Variants in DCAF6 observed in about 807,000 individuals in gnomAD.
The protein encoded by DCAF6 is DDB1- and CUL4-associated factor 6.
DCAF6 carries 54 observed loss-of-function variants against 125.1 expected under a neutral mutation model. The ratio of observed to expected loss-of-function variants is 0.43; its 90% CI spans 0.35 to 0.54. The LOEUF (loss-of-function observed/expected upper bound fraction) is 0.54, where lower values mean the gene tolerates loss of function less well. Ranked by LOEUF, DCAF6 falls within the 20% of genes least tolerant of loss-of-function variation. The pLI is 0.01. For missense variants in DCAF6, 934 were observed against 1,161.7 expected (o/e 0.80, Z 2.85); for synonymous variants, 371 against 390.4 (o/e 0.95, Z 0.58).
chr1:167,925,544 T>G, the DCAF6 span, among the ~76,000 whole-genome samples: 8 of 135,986 alleles, frequency 5.9e-5, no homozygotes, highest in African/African-American at 1.9e-4. Context: ...GTTTTTTTTT[T>G]GGTTTTTTTT....
chr1:168,043,235 T>G, intron 14 of DCAF6, 95 bp downstream of exon 14: 3 of 928,920 alleles, frequency 3.2e-6, no homozygotes, highest in Non-Finnish European at 5.0e-6. Context: ...TGTTTCTTGT[T>G]TTTAATAAAT....
At chr1:167,956,388 T>C (rs188672389) in intron 2 of DCAF6, among the ~76,000 whole-genome samples, 361 of 152,322 alleles carry the variant, frequency 2.4e-3, no homozygotes, top group Non-Finnish European at 3.8e-3. Flanking sequence ...TTTAAGTATC[T>C]GTAGAATCTG....
At chr1:168,004,350 T>A (rs543309492) in intron 9 of DCAF6, among the ~76,000 whole-genome samples, 183 bp from the exon 10 acceptor site, 2 of 152,276 alleles carry the variant, frequency 1.3e-5, no homozygotes, top group South Asian at 4.1e-4. Context: ...ATGTTGTAGA[T>A]AAGTTTTTAT....
chr1:167,974,711 TA>T, intron 3 of DCAF6, 118 bp from the exon 4 acceptor site: 1 of 721,412 alleles, frequency 1.4e-6, no homozygotes, highest in Non-Finnish European at 2.1e-6. Context: ...AGTCTAGTGA[TA>T]ATCTTTCACT....
chr1:167,932,676 G>A (rs1325667348), upstream of DCAF6, among the ~76,000 whole-genome samples: 7 of 151,898 alleles, frequency 4.6e-5, no homozygotes, highest in African/African-American at 1.7e-4. Context: ...GAGCATGGTG[G>A]CACATGCCTG....
the DCAF6 span, among the ~76,000 whole-genome samples, chr1:167,886,531 T>C: frequency 3.3e-5 from 5 of 152,292 alleles, no homozygotes; most frequent in African/African-American, 1.2e-4. Context: ...TCCTTCCACC[T>C]TATACAAAAA....
chr1:167,958,463 T>C (rs540619756), intron 2 of DCAF6, among the ~76,000 whole-genome samples: 28 of 151,894 alleles, frequency 1.8e-4, no homozygotes, highest in Non-Finnish European at 3.4e-4. Context: ...AATAGAAGAG[T>C]TTATTTCTGA....
At chr1:167,979,003 G>A (rs935884673) in intron 4 of DCAF6, among the ~76,000 whole-genome samples, 1 of 152,052 alleles carries the variant, frequency 6.6e-6, no homozygotes, top group Non-Finnish European at 1.5e-5. Flanking sequence ...GCTCCTTTAT[G>A]ATTAGTATCT....
At chr1:167,996,604 C>T (rs1681740482) in intron 7 of DCAF6, among the ~76,000 whole-genome samples, 1 of 152,206 alleles carries the variant, frequency 6.6e-6, no homozygotes, top group Non-Finnish European at 1.5e-5. Context: ...CCGCTCTTCT[C>T]ATCAACATTC....
At chr1:168,008,929 T>C (rs963335303) in intron 10 of DCAF6, among the ~76,000 whole-genome samples, 1 of 136,052 alleles carries the variant, frequency 7.4e-6, no homozygotes, top group African/African-American at 2.7e-5. Flanking sequence ...CTTGCTTGCT[T>C]TCTCTCTCTC....
chr1:167,902,752 G>A, the DCAF6 span, among the ~76,000 whole-genome samples: 3 of 152,322 alleles, frequency 2.0e-5, no homozygotes, highest in South Asian at 4.1e-4. Flanking sequence ...AGAGTAAACC[G>A]TTGTCTTCAT....
chr1:167,936,811 G>T lies in DCAF6; in HGVS notation c.-101G>T. 9.2e-7 allele frequency: 1 copy of T among 1,081,114 alleles called. No homozygotes were observed. The highest frequency in any genetic ancestry group is 1.4e-6 in the Non-Finnish European group (1 of 739,286). 67.0% of individuals were successfully genotyped at this position (1,081,114 alleles called of 1,614,324 possible). On this transcript the variant is annotated 5_prime_UTR_variant, in exon 1 of 22. Transcript: ENST00000367840. ...GCTGCGCCCTGGAGGCCCGGCGCGCGGATGGTGCCGGTGCGGCTCGGGTGT... is the reference window on the plus strand; with the variant it reads ...GCTGCGCCCTGGAGGCCCGGCGCGCTGATGGTGCCGGTGCGGCTCGGGTGT...
Position 167,954,353 on chromosome 1 carries a change from A to G in DCAF6, c.159+2492A>G, listed in dbSNP as rs543625889. Among the ~76,000 whole-genome samples the G allele has an allele frequency of 2.6e-5, 4 of 152,140 alleles. No homozygotes were observed. In the South Asian group the frequency reaches 8.3e-4, roughly 32 times the overall value. ...TCTAGTATTCACTTCAGCTGGTAAGACTGTTGCCAGCCTAATTACTTTTTG... is the reference window on the plus strand; with the variant it reads ...TCTAGTATTCACTTCAGCTGGTAAGGCTGTTGCCAGCCTAATTACTTTTTG... On this transcript the variant is annotated intron_variant, in intron 2 of 21. Coordinates refer to ENST00000367840, the MANE Select transcript of DCAF6 (RefSeq NM_001198956.2).
chr1:167,956,072 A>G (rs576076824), intron 2 of DCAF6, among the ~76,000 whole-genome samples: 1 of 152,170 alleles, frequency 6.6e-6, no homozygotes, highest in African/African-American at 2.4e-5. Context: ...AGCTAAGAAC[A>G]TTGTCTCTTT....
At chr1:168,050,454 T>C (rs923117218) in intron 16 of DCAF6, among the ~76,000 whole-genome samples, 7 of 152,192 alleles carry the variant, frequency 4.6e-5, no homozygotes, top group Non-Finnish European at 1.0e-4. Context: ...AAAAGCCCTG[T>C]TATTCTTTGC....
At chr1:167,991,998 T>C (rs1450801925) in intron 6 of DCAF6, among the ~76,000 whole-genome samples, 1 of 152,064 alleles carries the variant, frequency 6.6e-6, no homozygotes, top group Non-Finnish European at 1.5e-5. Flanking sequence ...GACTCTGCTA[T>C]TTTTCAATCA....
At chr1:167,925,045 C>T in the DCAF6 span, among the ~76,000 whole-genome samples, 2 of 152,108 alleles carry the variant, frequency 1.3e-5, no homozygotes, top group African/African-American at 4.8e-5. Flanking sequence ...AAAGTATCAC[C>T]AGATAGTGCA....
chr1:167,924,404 T>C, the DCAF6 span: 55 of 1,056,474 alleles, frequency 5.2e-5, no homozygotes, highest in Non-Finnish European at 6.8e-5. Context: ...AAGAATACTC[T>C]AAAGTATATC....
At chr1:168,056,068 C>A in intron 17 of DCAF6, 1 of 1,591,744 alleles carries the variant, frequency 6.3e-7, no homozygotes. Flanking sequence ...TCAGTTACTT[C>A]TCCTGATAAA....
Sources: allele counts gnomAD v4.1 joint callset (sites outside exome capture counted in the v4.1 genomes callset), GRCh38; gene constraint gnomAD v4.1.1; transcripts MANE v1.5; gene names NCBI Gene and HGNC (gene_info 2026-07-23, HGNC 2026-07-21).